Variants in AGO3 observed in about 807,000 individuals in gnomAD.
The protein encoded by AGO3 is protein argonaute-3.
AGO3 carries 16 observed loss-of-function variants against 105.5 expected under a neutral mutation model. The observed-to-expected ratio is 0.15, with a 90% CI of 0.10 to 0.23. The LOEUF is 0.23. Among genes scored for constraint, AGO3 ranks in the 10% least tolerant of loss-of-function variants. The pLI, the probability that AGO3 is intolerant of heterozygous loss-of-function variation, is 1.00. For missense variants in AGO3, 534 were observed against 1,088.0 expected (o/e 0.49, Z 7.16); for synonymous variants, 340 against 367.3 (o/e 0.93, Z 0.85).
rs548839679 is a variant in AGO3 at position 35,992,768 on chromosome 1, A to G, written c.659-11573A>G. Among the ~76,000 whole-genome samples the G allele has an allele frequency of 2.2e-3, 328 of 152,342 alleles. 3 individuals are homozygous for G. Among genetic ancestry groups the G allele is most frequent in the African/African-American group, 7.4e-3 (307 of 41,586 alleles). On this transcript the variant is annotated intron_variant, in intron 5 of 18. Transcript: ENST00000373191. ...TACCACTGCATATCAAATTATTCCA[A>G]AACGTAGTGACTCAAAACAATAAAC... is the stretch of plus-strand genomic sequence containing the variant.
chr1:35,954,614 C>T (rs1646532080), intron 2 of AGO3, among the ~76,000 whole-genome samples: 1 of 152,178 alleles, frequency 6.6e-6, no homozygotes. Context: ...TGAATCTTCT[C>T]TATGTTTTCA....
chr1:35,938,580 ATTT>A (rs1267508879), intron 1 of AGO3, among the ~76,000 whole-genome samples: 2 of 152,130 alleles, frequency 1.3e-5, no homozygotes, highest in Admixed American at 6.6e-5. Context: ...AGTACATAGC[ATTT>A]AATTTTATCT....
chr1:35,935,108 G>C (rs552121116), intron 1 of AGO3, among the ~76,000 whole-genome samples: 1 of 152,126 alleles, frequency 6.6e-6, no homozygotes, highest in African/African-American at 2.4e-5. Flanking sequence ...TGACCATTAT[G>C]ACTTAAAAAA....
At position 36,055,194 on chromosome 1, in the gene AGO3, C is replaced by G; in HGVS notation, c.2474+49C>G. 1 of 1,533,844 alleles carries G rather than the reference C, an allele frequency of 6.5e-7. No individual in the cohort carries two copies. The highest frequency in any genetic ancestry group is 8.8e-7 in the Non-Finnish European group (1 of 1,132,158). ...CTCACCCAAATCCCAATATTGTCTG[C>G]ATGGTAGGATTTTCAAGTTCCACAA... On this transcript the variant is annotated intron_variant, in intron 18 of 18. Transcript: ENST00000373191. The surrounding 1 kb of genome is among the most constrained non-coding windows in gnomAD (Gnocchi z 4.4).
At chr1:35,986,449 G>GGGCCGA (rs1647182603) in intron 5 of AGO3, among the ~76,000 whole-genome samples, 1 of 152,194 alleles carries the variant, frequency 6.6e-6, no homozygotes, top group African/African-American at 2.4e-5. Flanking sequence ...AGCACTTTGG[G>GGGCCGA]AGGCAGAGGC....
intron 17 of AGO3, among the ~76,000 whole-genome samples, chr1:36,044,649 C>T (rs1642388288): frequency 6.6e-6 from 1 of 152,080 alleles, no homozygotes. Flanking sequence ...ACCATGTTGG[C>T]CAGGCTGGTC....
In AGO3 at chr1:36,067,352, A is replaced by G. The variant is rs942572769; in HGVS notation, c.*11607A>G. On this transcript the variant is annotated 3_prime_UTR_variant, in exon 19 of 19. Transcript: ENST00000373191. ...TGATCTTCTATAGTAATTAATTGCA[A>G]TTAAGGTTTTCCAGGAGCTTTCTCA... is the stretch of plus-strand genomic sequence containing the variant. The G allele has an allele frequency of 6.6e-6, 1 of 152,210 alleles. No individual in the cohort carries two copies. The highest frequency in any genetic ancestry group is 1.5e-5 in the Non-Finnish European group (1 of 68,048). 9.4% of individuals were successfully genotyped at this position (152,210 alleles called of 1,614,324 possible).
chr1:35,933,979 G>A (rs1168361476), intron 1 of AGO3, among the ~76,000 whole-genome samples: 2 of 151,900 alleles, frequency 1.3e-5, no homozygotes, highest in African/African-American at 4.8e-5. Flanking sequence ...TACTGATTTA[G>A]TACCATCAGA....
intron 13 of AGO3, among the ~76,000 whole-genome samples, chr1:36,035,932 C>T (rs997207124): frequency 4.0e-5 from 6 of 150,474 alleles, no homozygotes; most frequent in African/African-American, 1.5e-4. Flanking sequence ...ACTTGGGAGG[C>T]TAAGGCAGGA....
chr1:35,979,534 T>G (rs185881293), intron 5 of AGO3, among the ~76,000 whole-genome samples: 86 of 152,318 alleles, frequency 5.6e-4, no homozygotes, highest in Non-Finnish European at 1.1e-3. Flanking sequence ...TTGATTATGT[T>G]GCTTATGTCA....
At chr1:36,024,591 T>C (rs1641409565) in intron 11 of AGO3, among the ~76,000 whole-genome samples, 1 of 152,232 alleles carries the variant, frequency 6.6e-6, no homozygotes, top group Non-Finnish European at 1.5e-5. Context: ...TCGGCTGTCA[T>C]GAAAGAACAC....
intron 16 of AGO3, among the ~76,000 whole-genome samples, chr1:36,041,235 CTTTTTTTTTTTTTT>C (rs958423621): frequency 1.2e-5 from 1 of 86,420 alleles, no homozygotes; most frequent in Non-Finnish European, 2.1e-5. Flanking sequence ...AATATGTTTT[CTTTTTTTTTTTTTT>C]TTTTTTTTTT....
Position 36,008,785 on chromosome 1 carries a change from A to G in AGO3, c.881+8A>G, listed in dbSNP as rs546737052. 2 of 1,614,046 alleles carry G rather than the reference A, an allele frequency of 1.2e-6. No homozygotes were observed. Among genetic ancestry groups the G allele is most frequent in the Admixed American group, 3.3e-5 (2 of 60,006 alleles). On this transcript the variant is annotated splice_region_variant and intron_variant, in intron 7 of 18. Coordinates refer to ENST00000373191, the MANE Select transcript of AGO3 (RefSeq NM_024852.4). The surrounding 1 kb of genome is among the most constrained non-coding windows in gnomAD (Gnocchi z 5.1). The stretch of plus-strand genomic sequence containing the variant: ...GCCTGCCAGTCATCAAACGTAAGAA[A>G]AGTTTGTCAGAGCAGCGATGGTGTG...
In AGO3 at chr1:36,070,290, T is replaced by C. The variant is rs979469921; in HGVS notation, c.*14545T>C. 1 of 152,190 alleles carries C rather than the reference T, an allele frequency of 6.6e-6. No individual in the cohort carries two copies. Among genetic ancestry groups the C allele is most frequent in the African/African-American group, 2.4e-5 (1 of 41,434 alleles). 9.4% of individuals were successfully genotyped at this position (152,190 alleles called of 1,614,324 possible). A position where few individuals can be genotyped will look rare whatever the true frequency, so the allele number is the denominator to read the frequency against. ...TGCAGAATTTAACTTTGCTTTACTTTAAAAATTCCAATCATCATGTACCTA... is the reference window on the plus strand; with the variant it reads ...TGCAGAATTTAACTTTGCTTTACTTCAAAAATTCCAATCATCATGTACCTA... On this transcript the variant is annotated 3_prime_UTR_variant, in exon 19 of 19. Coordinates refer to ENST00000373191, the MANE Select transcript of AGO3 (RefSeq NM_024852.4).
chr1:35,951,765 C>G (rs953283715), intron 2 of AGO3, among the ~76,000 whole-genome samples: 1 of 152,098 alleles, frequency 6.6e-6, no homozygotes, highest in Non-Finnish European at 1.5e-5. Flanking sequence ...AATCTCAGAG[C>G]AGCAATGTGT....
In AGO3 at chr1:36,059,811, G is replaced by A. The variant is rs896139527; in HGVS notation, c.*4066G>A. ...TTTTTTTTCCTAAGAGTAAGGACAC[G>A]GAATATCAAAGTAACAAAGGGTGCT... is the stretch of plus-strand genomic sequence containing the variant. On this transcript the variant is annotated 3_prime_UTR_variant, in exon 19 of 19. Transcript: ENST00000373191. The A allele has an allele frequency of 1.3e-5, 2 of 151,964 alleles. No individual in the cohort carries two copies. The highest frequency in any genetic ancestry group is 2.4e-5 in the African/African-American group (1 of 41,370). 9.4% of individuals were successfully genotyped at this position (151,964 alleles called of 1,614,324 possible). A position where few individuals can be genotyped will look rare whatever the true frequency, so the allele number is the denominator to read the frequency against.
Position 35,961,936 on chromosome 1 carries a change from C to T in AGO3, c.192-5019C>T, listed in dbSNP as rs1029696307. ...TCTTATTACAGTTGAAGTGTTTGGA[C>T]GTTAAGTGTTTAGGTATTACAGTTA... On this transcript the variant is annotated intron_variant, in intron 2 of 18. Transcript: ENST00000373191. Among the ~76,000 whole-genome samples the T allele has an allele frequency of 1.1e-4, 16 of 152,210 alleles. 1 individual carries two copies. The highest frequency in any genetic ancestry group is 3.9e-4 in the African/African-American group (16 of 41,532).
intron 2 of AGO3, among the ~76,000 whole-genome samples, chr1:35,961,864 ACC>A (rs1467298450): frequency 1.3e-5 from 2 of 152,070 alleles, no homozygotes; most frequent in Non-Finnish European, 2.9e-5. Flanking sequence ...TGGGGCTTGT[ACC>A]CTTTTCCACA....
rs1643108098 is a variant in AGO3 at position 36,067,347 on chromosome 1, T to C, written c.*11602T>C. The C allele has an allele frequency of 6.6e-6, 1 of 152,216 alleles. No homozygotes were observed. Among genetic ancestry groups the C allele is most frequent in the Non-Finnish European group, 1.5e-5 (1 of 68,052 alleles). The allele number at this position is 152,216 out of a possible 1,614,324, so 9.4% of individuals were successfully genotyped here. ...AGACTTGATCTTCTATAGTAATTAA[T>C]TGCAATTAAGGTTTTCCAGGAGCTT... On this transcript the variant is annotated 3_prime_UTR_variant, in exon 19 of 19. Transcript: ENST00000373191.
Sources: gnomAD v4.1 joint callset for allele counts (sites outside exome capture counted in the v4.1 genomes callset) on GRCh38, gnomAD v4.1.1 for gene constraint, Gnocchi (gnomAD v3.1) non-coding constraint, MANE v1.5 for transcripts, NCBI Gene and HGNC (gene_info 2026-07-23, HGNC 2026-07-21) for gene names.